The following CXCR2 variants were observed in gnomAD, a reference collection of about 807,000 sequenced individuals.
CXCR2 encodes C-X-C chemokine receptor type 2.
A neutral mutation model predicts 3.7 loss-of-function variants in CXCR2; 2 were observed. That is an observed-to-expected ratio of 0.55 (90% CI 0.22 to 1.72). The LOEUF is 1.72. Among genes scored for constraint, CXCR2 ranks in the 40% most tolerant of loss-of-function variants. The pLI is 0.19. For missense variants in CXCR2, 351 were observed against 450.1 expected (o/e 0.78, Z 1.99); for synonymous variants, 203 against 193.3 (o/e 1.05, Z -0.41).
chr2:218,127,834 C>T (rs1401901704), intron 1 of CXCR2, among the ~76,000 whole-genome samples: 1 of 152,132 alleles, frequency 6.6e-6, no homozygotes, highest in Non-Finnish European at 1.5e-5. Flanking sequence ...GAAGCTAGAA[C>T]CTGGTAGACA....
At chr2:218,130,377 G>A (rs1226948542) in intron 2 of CXCR2, among the ~76,000 whole-genome samples, 1 of 152,038 alleles carries the variant, frequency 6.6e-6, no homozygotes, top group African/African-American at 2.4e-5. Context: ...CCGAGATCAC[G>A]CCATTGCACT....
At position 218,134,954 on chromosome 2, in the gene CXCR2, G is replaced by C. The variant is rs1434816450; in HGVS notation, c.153G>C (p.Val51=). Residue 51 remains valine (V), a synonymous_variant, in exon 3 of 3, where the codon GTG becomes GTC. Coordinates refer to ENST00000318507, the MANE Select transcript of CXCR2 (RefSeq NM_001557.4). Reference sequence around the variant, plus strand: ...CCCTGGAAATCAACAAGTATTTTGTGGTCATTATCTATGCCCTGGTATTCC... The same window carrying C: ...CCCTGGAAATCAACAAGTATTTTGTCGTCATTATCTATGCCCTGGTATTCC... ...PESLEINKYF[V]VIIYALVFLL... 6.2e-7 allele frequency: 1 copy of C among 1,614,092 alleles called. No homozygotes were observed. The highest frequency in any genetic ancestry group is 8.5e-7 in the Non-Finnish European group (1 of 1,180,008).
intron 1 of CXCR2, among the ~76,000 whole-genome samples, chr2:218,127,073 A>G (rs1300290620): frequency 2.0e-5 from 3 of 152,168 alleles, no homozygotes; most frequent in Non-Finnish European, 4.4e-5. Context: ...TTCCAAAGGC[A>G]CACAACAAGG....
At chr2:218,129,776 CTT>C (rs1690598970) in intron 2 of CXCR2, among the ~76,000 whole-genome samples, 1 of 152,190 alleles carries the variant, frequency 6.6e-6, no homozygotes, top group African/African-American at 2.4e-5. Context: ...TAAAATGACT[CTT>C]TTGTTGTTAA....
intron 1 of CXCR2, among the ~76,000 whole-genome samples, chr2:218,127,928 A>G (rs1368704212): frequency 1.3e-5 from 2 of 152,226 alleles, no homozygotes; most frequent in African/African-American, 2.4e-5. Flanking sequence ...AAGCAGACCC[A>G]CTGCCGACTG....
intron 2 of CXCR2, 73 bp downstream of exon 2, chr2:218,129,438 T>G (rs1397029497): frequency 1.3e-5 from 2 of 152,330 alleles, no homozygotes; most frequent in Non-Finnish European, 2.9e-5. Context: ...ATACCCAGCC[T>G]ACATTTATCC....
chr2:218,129,746 AAAG>A (rs1419831085), intron 2 of CXCR2, among the ~76,000 whole-genome samples: 1 of 152,228 alleles, frequency 6.6e-6, no homozygotes, highest in Non-Finnish European at 1.5e-5. Context: ...TTATAGAGAG[AAAG>A]AATACTGGAA....
At chr2:218,133,290 ATTTTTT>A (rs60630461) in intron 2 of CXCR2, among the ~76,000 whole-genome samples, 2 of 73,470 alleles carry the variant, frequency 2.7e-5, no homozygotes, top group Non-Finnish European at 2.4e-5. Flanking sequence ...AGAAACTGGG[ATTTTTT>A]TTTTTTTTTT....
At chr2:218,131,501 C>G (rs1434715873) in intron 2 of CXCR2, among the ~76,000 whole-genome samples, 1 of 141,084 alleles carries the variant, frequency 7.1e-6, no homozygotes, top group African/African-American at 2.7e-5. Context: ...GACGGAGTCT[C>G]CTCTGTCGCC....
At chr2:218,126,610 T>A (rs1259477532) in intron 1 of CXCR2, among the ~76,000 whole-genome samples, 1 of 152,234 alleles carries the variant, frequency 6.6e-6, no homozygotes, top group Non-Finnish European at 1.5e-5. Flanking sequence ...ATGTGACTAG[T>A]GTGACTGCGG....
At chr2:218,127,329 G>A (rs1363712578) in intron 1 of CXCR2, among the ~76,000 whole-genome samples, 2 of 151,984 alleles carry the variant, frequency 1.3e-5, no homozygotes, top group Non-Finnish European at 2.9e-5. Flanking sequence ...GTTTCACCAT[G>A]TTGGCCAGGC....
At position 218,126,144 on chromosome 2, in the gene CXCR2, C is replaced by G. The variant is rs199566971; in HGVS notation, c.-287C>G. ...CTCATCCCAGAATCACTAAGTGGCACCTGTCCTGGGCCAAAGTCCCAGGAC... is the reference window on the plus strand; with the variant it reads ...CTCATCCCAGAATCACTAAGTGGCAGCTGTCCTGGGCCAAAGTCCCAGGAC... On this transcript the variant is annotated 5_prime_UTR_variant, in exon 1 of 3. Transcript: ENST00000318507. 1.3e-5 allele frequency: 2 copies of G among 152,352 alleles called. No homozygotes were observed. Among genetic ancestry groups the G allele is most frequent in the Non-Finnish European group, 2.9e-5 (2 of 68,068 alleles). The allele number at this position is 152,352 out of a possible 1,614,324, so 9.4% of individuals were successfully genotyped here.
chr2:218,129,896 A>G (rs993073339), intron 2 of CXCR2, among the ~76,000 whole-genome samples: 3 of 152,192 alleles, frequency 2.0e-5, no homozygotes, highest in Non-Finnish European at 2.9e-5. Context: ...CCAAACTACC[A>G]TGAGTCACTA....
At position 218,135,569 on chromosome 2, in the gene CXCR2, C is replaced by T. The variant is rs11574750; in HGVS notation, c.768C>T (p.Val256=). The T allele has an allele frequency of 0.044, 71,052 of 1,614,106 alleles. 1,867 individuals are homozygous for T. The highest frequency in any genetic ancestry group is 0.096 in the South Asian group (8,705 of 91,072). ...KHRAMRVIFA[V]VLIFLLCWLP... is the part of the protein sequence containing the mutation. ...GGGCCATGCGGGTCATCTTTGCTGT[C>T]GTCCTCATCTTCCTGCTCTGCTGGC... Residue 256 remains valine (V), a synonymous_variant, in exon 3 of 3, where the codon GTC becomes GTT. Coordinates refer to ENST00000318507, the MANE Select transcript of CXCR2 (RefSeq NM_001557.4). The surrounding 1 kb of genome is among the most constrained non-coding windows in gnomAD (Gnocchi z 4.0).
chr2:218,127,544 T>G (rs1032281886), intron 1 of CXCR2, among the ~76,000 whole-genome samples: 1 of 152,212 alleles, frequency 6.6e-6, no homozygotes, highest in Non-Finnish European at 1.5e-5. Context: ...TGGGCTCCCC[T>G]CTCTACATCC....
chr2:218,134,545 A>G (rs777852170), intron 2 of CXCR2, among the ~76,000 whole-genome samples: 1 of 152,232 alleles, frequency 6.6e-6, no homozygotes, highest in Non-Finnish European at 1.5e-5. Flanking sequence ...GCTAAAAGAA[A>G]TGCTAAGAAT....
rs200115845 is a variant in CXCR2, at chr2:218,135,120, T to A, written c.319T>A (p.Ser107Thr). ...CCTGACCTTGCCCATCTGGGCCGCC[T>A]CCAAGGTGAATGGCTGGATTTTTGG... The part of the protein sequence containing the change: ...FALTLPIWAA[S>T]KVNGWIFGTF... Residue 107 changes from serine (S) to threonine (T), a missense_variant, in exon 3 of 3, where the codon TCC becomes ACC. By Grantham distance (58) the Ser-to-Thr change is moderately conservative (BLOSUM62 1). Coordinates refer to ENST00000318507, the MANE Select transcript of CXCR2 (RefSeq NM_001557.4). This position sits in a 1 kb window ranked among gnomAD's most constrained non-coding sequence, Gnocchi z 4.0. 1.2e-6 allele frequency: 2 copies of A among 1,614,186 alleles called. No individual in the cohort carries two copies. The highest frequency in any genetic ancestry group is 1.1e-5 in the South Asian group (1 of 91,086).
At position 218,135,618 on chromosome 2, in the gene CXCR2, G is replaced by A. The variant is rs1435699629; in HGVS notation, c.817G>A (p.Ala273Thr). ...CWLPYNLVLL[A>T]DTLMRTQVIQ... ...GCTGCCCTACAACCTGGTCCTGCTG[G>A]CAGACACCCTCATGAGGACCCAGGT... Residue 273 changes from alanine (A) to threonine (T), a missense_variant, in exon 3 of 3, where the codon GCA becomes ACA. Physicochemically the swap from Ala to Thr is moderately conservative, Grantham distance 58 (BLOSUM62 0). Coordinates refer to ENST00000318507, the MANE Select transcript of CXCR2 (RefSeq NM_001557.4). This position sits in a 1 kb window ranked among gnomAD's most constrained non-coding sequence, Gnocchi z 4.0. 1.2e-6 allele frequency: 2 copies of A among 1,613,996 alleles called. No homozygotes were observed. Among genetic ancestry groups the A allele is most frequent in the East Asian group, 2.2e-5 (1 of 44,850 alleles).
At chr2:218,127,182 A>T (rs1476210943) in intron 1 of CXCR2, among the ~76,000 whole-genome samples, 1 of 152,220 alleles carries the variant, frequency 6.6e-6, no homozygotes, top group East Asian at 1.9e-4. Context: ...GCTGGAATGC[A>T]ATGGCACAAT....
Sources: allele counts gnomAD v4.1 joint callset (sites outside exome capture counted in the v4.1 genomes callset), GRCh38; gene constraint gnomAD v4.1.1; non-coding constraint Gnocchi (gnomAD v3.1); transcripts MANE v1.5; gene names NCBI Gene and HGNC (gene_info 2026-07-23, HGNC 2026-07-21).